The following ACYP1 variants were observed in gnomAD, a reference collection of about 807,000 sequenced individuals.
ACYP1 encodes acylphosphatase-1.
A neutral mutation model predicts 10.4 loss-of-function variants in ACYP1; 8 were observed. The ratio of observed to expected loss-of-function variants is 0.77; its 90% confidence interval spans 0.45 to 1.38. The LOEUF (loss-of-function observed/expected upper bound fraction) is 1.38. Among genes scored for constraint, ACYP1 ranks in the 40% most tolerant of loss-of-function variants. ACYP1 has a pLI of 0.00. For synonymous variants in ACYP1, 38 were observed against 40.8 expected (o/e 0.93, Z 0.26); for missense variants, 93 against 117.3 (o/e 0.79, Z 0.96).
At chr14:75,062,114 A>AAAAAAAAAAAAAAAAAAAAAAAAAAG (rs1893034821) in intron 2 of ACYP1, among the ~76,000 whole-genome samples, 1 of 149,300 alleles carries the variant, frequency 6.7e-6, no homozygotes, top group African/African-American at 2.5e-5. Flanking sequence ...AAAAAAAAAA[A>AAAAAAAAAAAAAAAAAAAAAAAAAAG]AAAAAAAAAA....
chr14:75,063,830 C>G lies in ACYP1; in HGVS notation c.-9+124G>C, dbSNP rs1450460105. On this transcript the variant is annotated intron_variant, in intron 1 of 2. Coordinates refer to ENST00000238618, the MANE Select transcript of ACYP1 (RefSeq NM_001107.5). ...CTGAGGACCGATGACCTCCTTACAT[C>G]CATGCCCGGTCCCGCTCCCTCACTA... The G allele has an allele frequency of 5.2e-6, 4 of 764,952 alleles. No individual in the cohort carries two copies. The African/African-American group carries it at 7.1e-5, about 14-fold the overall frequency. 47.4% of individuals were successfully genotyped at this position (764,952 alleles called of 1,614,324 possible).
chr14:75,059,159 A>T (rs957770311), intron 2 of ACYP1, among the ~76,000 whole-genome samples: 20 of 141,750 alleles, frequency 1.4e-4, no homozygotes, highest in Non-Finnish European at 2.6e-4. Flanking sequence ...GCCACTGCAC[A>T]GAGCGAGACT....
In ACYP1 at chr14:75,063,483, C is replaced by T; in HGVS notation, c.71G>A (p.Arg24His). 1 of 1,613,750 alleles carries T rather than the reference C, an allele frequency of 6.2e-7. No individual in the cohort carries two copies. The highest frequency in any genetic ancestry group is 8.5e-7 in the Non-Finnish European group (1 of 1,179,816). ...CAGGCCACATACCTGAGTATGCTTACGGAAAAACACCCCTTGCACCTTCCC... is the reference window on the plus strand; with the variant it reads ...CAGGCCACATACCTGAGTATGCTTATGGAAAAACACCCCTTGCACCTTCCC... ...IFGKVQGVFF[R>H]KHTQAEGKKL... Residue 24 changes from arginine to histidine, a missense_variant, in exon 2 of 3, where the codon CGT (arginine) becomes CAT (histidine). Arg to His is a conservative substitution (Grantham distance 29). Coordinates refer to ENST00000238618, the MANE Select transcript of ACYP1 (RefSeq NM_001107.5).
intron 2 of ACYP1, among the ~76,000 whole-genome samples, chr14:75,062,570 C>A (rs1389961293): frequency 6.8e-6 from 1 of 148,080 alleles, no homozygotes; most frequent in Admixed American, 7.0e-5. Flanking sequence ...AATCCCAGCA[C>A]TTGGGGAGGC....
In ACYP1 at chr14:75,063,595, G is replaced by A. The variant is rs369315585; in HGVS notation, c.-8-34C>T. ...AACCAGGAAAGCAGAAGAGTGAAGG[G>A]CTATTATTCCAGGACCCGCAAGCCT... On this transcript the variant is annotated intron_variant, in intron 1 of 2. Coordinates refer to ENST00000238618, the MANE Select transcript of ACYP1 (RefSeq NM_001107.5). 2.5e-6 allele frequency: 4 copies of A among 1,573,238 alleles called. No individual in the cohort carries two copies. In the African/African-American group the frequency reaches 4.0e-5, roughly 16 times the overall value.
chr14:75,060,744 C>T (rs1437854298), intron 2 of ACYP1, among the ~76,000 whole-genome samples: 1 of 152,084 alleles, frequency 6.6e-6, no homozygotes, highest in East Asian at 1.9e-4. Flanking sequence ...AAAAAAAGGC[C>T]ACATTTGTAT....
upstream of ACYP1, among the ~76,000 whole-genome samples, chr14:75,064,659 G>A (rs1893112669): frequency 6.6e-6 from 1 of 152,116 alleles, no homozygotes; most frequent in Non-Finnish European, 1.5e-5. Flanking sequence ...GCTTGAACCT[G>A]GGAGGTGGAG....
upstream of ACYP1, among the ~76,000 whole-genome samples, chr14:75,068,110 T>G (rs1025887931): frequency 1.3e-5 from 2 of 151,680 alleles, no homozygotes; most frequent in Non-Finnish European, 2.9e-5. Flanking sequence ...GCCAACATGG[T>G]GAAACTCTGT....
chr14:75,069,035 C>G (rs1366830573), intron 1 of ACYP1, among the ~76,000 whole-genome samples: 1 of 152,204 alleles, frequency 6.6e-6, no homozygotes, highest in Non-Finnish European at 1.5e-5. Context: ...CTGAGTCATT[C>G]CTGGGCCCTA....
intron 2 of ACYP1, among the ~76,000 whole-genome samples, chr14:75,061,002 G>T (rs10149551): frequency 7.2e-5 from 11 of 151,890 alleles, no homozygotes; most frequent in Non-Finnish European, 1.3e-4. Context: ...AGGAGGCAGA[G>T]GTTGCAGTGA....
At chr14:75,069,136 C>A in intron 1 of ACYP1, 2 of 1,378,520 alleles carry the variant, frequency 1.5e-6, no homozygotes, top group South Asian at 1.3e-5. Flanking sequence ...AAAGATACTG[C>A]GTAGCAAAAA....
chr14:75,065,645 C>T (rs560981618), upstream of ACYP1, among the ~76,000 whole-genome samples: 64 of 152,166 alleles, frequency 4.2e-4, 1 homozygote, highest in South Asian at 0.012. Flanking sequence ...TGTAGGGGCA[C>T]AAATGCATGC....
upstream of ACYP1, among the ~76,000 whole-genome samples, chr14:75,066,014 G>C (rs1246643663): frequency 6.6e-6 from 1 of 152,216 alleles, no homozygotes; most frequent in African/African-American, 2.4e-5. Context: ...TTGTGCATCA[G>C]GATCTTTGGG....
At chr14:75,062,558 G>C (rs1328615403) in intron 2 of ACYP1, among the ~76,000 whole-genome samples, 1 of 150,506 alleles carries the variant, frequency 6.6e-6, no homozygotes, top group Non-Finnish European at 1.5e-5. Context: ...GCTCACACCT[G>C]TAATCCCAGC....
chr14:75,064,135 A>G, upstream of ACYP1: 1 of 703,758 alleles, frequency 1.4e-6, no homozygotes, highest in Non-Finnish European at 1.7e-6. Flanking sequence ...CCCGCCCAGA[A>G]GGTGGGATTT....
At chr14:75,069,262 C>T (rs759041940) in exon 1 of ACYP1, 1 of 1,472,394 alleles carries the variant, frequency 6.8e-7, no homozygotes, top group Admixed American at 2.7e-5. Context: ...GCAGCAGCCC[C>T]GCTCCCGCCA....
chr14:75,060,177 AT>A (rs1311507788), intron 2 of ACYP1: 1 of 635,166 alleles, frequency 1.6e-6, no homozygotes, highest in Non-Finnish European at 2.8e-6. Flanking sequence ...TTTTCCAGTT[AT>A]CCTTTTTATT....
chr14:75,060,493 C>A (rs559694381), intron 2 of ACYP1, among the ~76,000 whole-genome samples: 1 of 152,330 alleles, frequency 6.6e-6, no homozygotes, highest in Admixed American at 6.5e-5. Flanking sequence ...TATGTATATA[C>A]TCAATGGAAC....
intron 1 of ACYP1, 126 bp downstream of exon 1, chr14:75,063,828 A>C (rs753908017): frequency 5.6e-5 from 42 of 749,700 alleles, no homozygotes; most frequent in Non-Finnish European, 7.6e-5. Context: ...ACCTCCTTAC[A>C]TCCATGCCCG....
Sources: allele counts gnomAD v4.1 joint callset (sites outside exome capture counted in the v4.1 genomes callset), GRCh38; gene constraint gnomAD v4.1.1; transcripts MANE v1.5; gene names NCBI Gene and HGNC (gene_info 2026-07-23, HGNC 2026-07-21).